LDB3: variants seen among roughly 807,000 people sequenced by gnomAD.
LDB3 encodes LIM domain-binding protein 3.
A neutral mutation model predicts 69.0 loss-of-function variants in LDB3; 49 were observed. That is an observed-to-expected ratio of 0.71 (90% CI 0.56 to 0.90). The LOEUF is 0.90. LDB3 is among the 40% of genes least tolerant of loss of function. The probability of loss-of-function intolerance (pLI) is 0.00; values close to 1 mark genes in which losing one functional copy is unlikely to be tolerated. For synonymous variants in LDB3, 387 were observed against 396.2 expected (o/e 0.98, Z 0.28); for missense variants, 928 against 974.1 (o/e 0.95, Z 0.63).
At position 86,718,735 on chromosome 10, in the gene LDB3, G is replaced by A. The variant is rs1157798978; in HGVS notation, c.1866G>A (p.Met622Ile). ...KCNTKIMGEV[M>I]HALRQTWHTT... The stretch of plus-strand genomic sequence containing the variant: ...TAGGCTCTTTCCCCCAGGAAGTAAT[G>A]CATGCCTTGAGACAGACATGGCACA... Residue 622 changes from methionine (M) to isoleucine (I), a missense_variant, in exon 12 of 14, where the codon ATG becomes ATA. Coordinates refer to ENST00000361373, the MANE Select transcript of LDB3 (RefSeq NM_007078.3). 1.9e-6 allele frequency: 3 copies of A among 1,614,170 alleles called. No individual in the cohort carries two copies. Among genetic ancestry groups the A allele is most frequent in the Non-Finnish European group, 1.7e-6 (2 of 1,180,014 alleles).
chr10:86,699,823 C>A lies in LDB3; in HGVS notation c.897-6708C>A. The A allele has an allele frequency of 2.9e-6, 3 of 1,026,930 alleles. No individual in the cohort carries two copies. Among genetic ancestry groups the A allele is most frequent in the Non-Finnish European group, 3.5e-6 (3 of 855,088 alleles). The allele number at this position is 1,026,930 out of a possible 1,614,324, so 63.6% of individuals were successfully genotyped here. ...GTCTGGGGAAGAGGCTGATCCCTGG[C>A]GCTGCCCGGCTCCCTCGCTGCCCTC... On this transcript the variant is annotated intron_variant, in intron 7 of 13. Transcript: ENST00000361373. The surrounding 1 kb of genome is among the most constrained non-coding windows in gnomAD (Gnocchi z 4.9).
At chr10:86,669,592 G>T (rs1038459528) in intron 2 of LDB3, among the ~76,000 whole-genome samples, 1 of 152,208 alleles carries the variant, frequency 6.6e-6, no homozygotes, top group Non-Finnish European at 1.5e-5. Context: ...AGGGACTGAT[G>T]GGGGAACAGC....
At position 86,689,802 on chromosome 10, in the gene LDB3, C is replaced by T. The variant is rs184954810; in HGVS notation, c.690-2094C>T. On this transcript the variant is annotated intron_variant, in intron 5 of 13. Transcript: ENST00000361373. ...GCTGCACACAGTGAAGCAAATGCAG[C>T]GGTGACCTGATGTTGCGGTGACTGT... Among the ~76,000 whole-genome samples, 364 of 152,306 alleles carry T rather than the reference C, an allele frequency of 2.4e-3. 2 individuals carry two copies. Among genetic ancestry groups the T allele is most frequent in the Non-Finnish European group, 1.7e-3 (116 of 68,032 alleles).
At chr10:86,686,375 A>T (rs967069637) in intron 5 of LDB3, among the ~76,000 whole-genome samples, 46 of 151,952 alleles carry the variant, frequency 3.0e-4, no homozygotes, top group African/African-American at 9.9e-4. Context: ...GCTGCTCCCG[A>T]CCCCTACCCC....
chr10:86,727,177 T>C (rs1272178157), intron 13 of LDB3, among the ~76,000 whole-genome samples: 2 of 151,998 alleles, frequency 1.3e-5, no homozygotes, highest in African/African-American at 2.4e-5. Context: ...CATGCCACCA[T>C]GCCTGGCTAA....
Position 86,681,422 on chromosome 10 carries a change from C to T in LDB3, c.322-14C>T, listed in dbSNP as rs1845120500. 2 of 1,600,102 alleles carry T rather than the reference C, an allele frequency of 1.2e-6. No individual in the cohort carries two copies. Among genetic ancestry groups the T allele is most frequent in the Non-Finnish European group, 8.5e-7 (1 of 1,179,804 alleles). Reference sequence around the variant, plus strand: ...CTCTCTTCTCTCTCCCCTGCATGGCCTGCCCTGTGCCAGGACCCCGCTCTG... The same window carrying T: ...CTCTCTTCTCTCTCCCCTGCATGGCTTGCCCTGTGCCAGGACCCCGCTCTG... On this transcript the variant is annotated splice_polypyrimidine_tract_variant and intron_variant, in intron 4 of 13. Coordinates refer to ENST00000361373, the MANE Select transcript of LDB3 (RefSeq NM_007078.3).
chr10:86,691,889 A>G lies in LDB3; in HGVS notation c.690-7A>G. 1 of 1,614,062 alleles carries G rather than the reference A, an allele frequency of 6.2e-7. No individual in the cohort carries two copies. Among genetic ancestry groups the G allele is most frequent in the Non-Finnish European group, 8.5e-7 (1 of 1,180,016 alleles). On this transcript the variant is annotated splice_region_variant and splice_polypyrimidine_tract_variant and intron_variant, in intron 5 of 13. Transcript: ENST00000361373. ...GCCCTCGCCCACGGCCTCTCTCTGCATTACAGGAGCCTCCCTATTAAGGAC... is the reference window on the plus strand; with the variant it reads ...GCCCTCGCCCACGGCCTCTCTCTGCGTTACAGGAGCCTCCCTATTAAGGAC...
intron 9 of LDB3, among the ~76,000 whole-genome samples, chr10:86,711,707 A>T (rs1160476737): frequency 6.6e-6 from 1 of 150,978 alleles, no homozygotes; most frequent in Non-Finnish European, 1.5e-5. Flanking sequence ...GCCGGATCTT[A>T]TCGCTGGCGC....
At chr10:86,682,226 G>A (rs767760819) in intron 5 of LDB3, among the ~76,000 whole-genome samples, 4 of 152,188 alleles carry the variant, frequency 2.6e-5, no homozygotes, top group Admixed American at 6.5e-5. Context: ...GGCAGGAGCA[G>A]GGGAGCGTTC....
chr10:86,681,657 C>T lies in LDB3; in HGVS notation c.543C>T (p.Leu181=), dbSNP rs148324530. ...GCCCAGAGGGGGCCCGGGACCTACT[C>T]GGCCCAAAAGCCCTGCCGGGCTCGA... ...KTSPEGARDL[L]GPKALPGSSQ... is the part of the protein sequence containing the mutation. The change falls in exon 5 of 14, where the codon CTC becomes CTT. Residue 181 remains leucine (L), a synonymous_variant. Coordinates refer to ENST00000361373, the MANE Select transcript of LDB3 (RefSeq NM_007078.3). 187 of 1,613,164 alleles carry T rather than the reference C, an allele frequency of 1.2e-4. No individual in the cohort carries two copies. Among genetic ancestry groups the T allele is most frequent in the Non-Finnish European group, 1.5e-4 (174 of 1,179,878 alleles).
chr10:86,695,454 C>G (rs2132427308), intron 7 of LDB3, among the ~76,000 whole-genome samples: 1 of 152,342 alleles, frequency 6.6e-6, no homozygotes, highest in East Asian at 1.9e-4. Flanking sequence ...AAGACAGAGT[C>G]TAATTTCCAG....
intron 9 of LDB3, among the ~76,000 whole-genome samples, chr10:86,711,138 TGGA>T (rs1325092944): frequency 4.6e-5 from 7 of 152,084 alleles, no homozygotes. Context: ...GGAGAGGAGT[TGGA>T]GGAGAAGCGG....
chr10:86,679,283 TC>T (rs1258902343), intron 2 of LDB3, 83 bp from the exon 3 acceptor site: 1 of 1,532,988 alleles, frequency 6.5e-7, no homozygotes, highest in Non-Finnish European at 9.0e-7. Context: ...TGTTGAATAC[TC>T]CCGGGTGACT....
intron 7 of LDB3, among the ~76,000 whole-genome samples, chr10:86,693,084 G>GA (rs11422538): frequency 0.15 from 22,065 of 151,048 alleles, 2,402 homozygotes; most frequent in East Asian, 0.63. Context: ...AATAGTTGCT[G>GA]AAAAAAAAAG....
intron 2 of LDB3, 104 bp from the exon 3 acceptor site, chr10:86,679,263 T>C (rs1844970962): frequency 7.0e-7 from 1 of 1,421,688 alleles, no homozygotes; most frequent in Non-Finnish European, 9.9e-7. Flanking sequence ...AAAAACACAA[T>C]GACGGCTTCT....
chr10:86,686,660 A>G (rs1416384715), intron 5 of LDB3, among the ~76,000 whole-genome samples: 1 of 152,034 alleles, frequency 6.6e-6, no homozygotes, highest in Non-Finnish European at 1.5e-5. Context: ...TTACAGAAAA[A>G]AAAAAAATAG....
chr10:86,709,986 C>CG lies in LDB3; in HGVS notation c.1168dup (p.Ala390GlyfsTer81). 2 of 1,613,214 alleles carry CG rather than the reference C, an allele frequency of 1.2e-6. No homozygotes were observed. Among genetic ancestry groups the CG allele is most frequent in the Non-Finnish European group, 1.7e-6 (2 of 1,180,012 alleles). ...ACACCAGCTACAGTGAGGGCCCCGC[C>CG]GCCCCTGCACCCAAGCCCCGGGTTG... On this transcript the variant is annotated frameshift_variant, in exon 9 of 14. Transcript: ENST00000361373. LOFTEE classifies it high-confidence loss of function.
At chr10:86,725,352 G>T (rs1345479613) in intron 12 of LDB3, among the ~76,000 whole-genome samples, 1 of 152,114 alleles carries the variant, frequency 6.6e-6, no homozygotes, top group Non-Finnish European at 1.5e-5. Context: ...AAAACAAAAA[G>T]ATAATAATAG....
intron 6 of LDB3, among the ~76,000 whole-genome samples, chr10:86,692,298 G>C (rs1041241893): frequency 6.6e-6 from 1 of 152,256 alleles, no homozygotes; most frequent in Admixed American, 6.5e-5. Flanking sequence ...AGCAGGCTTG[G>C]TGTGCAACTT....
Sources: gnomAD v4.1 joint callset for allele counts (sites outside exome capture counted in the v4.1 genomes callset) on GRCh38, gnomAD v4.1.1 for gene constraint, Gnocchi (gnomAD v3.1) non-coding constraint, MANE v1.5 for transcripts, NCBI Gene and HGNC (gene_info 2026-07-23, HGNC 2026-07-21) for gene names.